Variants in MID1 observed in about 807,000 individuals in gnomAD.
MID1 encodes midline 1.
MID1 carries 7 observed loss-of-function variants against 40.4 expected under a neutral mutation model. The ratio of observed to expected loss-of-function variants is 0.17; its 90% CI spans 0.10 to 0.33. MID1 has a LOEUF of 0.33. Ranked by LOEUF, MID1 falls within the 10% of genes least tolerant of loss-of-function variation. The probability of loss-of-function intolerance (pLI) is 1.00; values close to 1 mark genes in which losing one functional copy is unlikely to be tolerated. For missense variants in MID1, 367 were observed against 558.5 expected (o/e 0.66, Z 3.46); for synonymous variants, 229 against 221.2 (o/e 1.04, Z -0.31).
At chrX:10,824,723 C>T (rs995407594) in intron 1 of MID1, among the ~76,000 whole-genome samples, 6 of 111,491 alleles carry the variant, frequency 5.4e-5, no homozygotes, top group African/African-American at 2.0e-4. Flanking sequence ...GGAAAAATTA[C>T]GAAGGCAGGG....
intron 1 of MID1, among the ~76,000 whole-genome samples, chrX:10,681,216 T>C (rs906584342): frequency 3.6e-5 from 4 of 111,059 alleles, no homozygotes; most frequent in Non-Finnish European, 7.5e-5. Context: ...TGTGGTATGG[T>C]CATTCAAAGG....
At chrX:10,737,133 T>C (rs2043493111) in intron 1 of MID1, among the ~76,000 whole-genome samples, 1 of 112,490 alleles carries the variant, frequency 8.9e-6, no homozygotes, top group Non-Finnish European at 1.9e-5. Context: ...AGAATATTGC[T>C]TTTCATTCTC....
At chrX:10,511,552 T>A (rs1044802544) in intron 3 of MID1, among the ~76,000 whole-genome samples, 14 of 111,257 alleles carry the variant, frequency 1.3e-4, no homozygotes, top group African/African-American at 4.6e-4. Flanking sequence ...CACAGTTGGT[T>A]AATTAATTAA....
At chrX:10,765,969 AAGAAAGAAAGAAAGAAAG>A (rs1333652775) in intron 1 of MID1, among the ~76,000 whole-genome samples, 3 of 105,464 alleles carry the variant, frequency 2.8e-5, no homozygotes, top group Non-Finnish European at 5.9e-5. Context: ...GAAAGAAAGA[AAGAAAGAAAGAAAGAAAG>A]AAAGAAAGAA....
chrX:10,618,733 C>T (rs929158270), intron 1 of MID1, among the ~76,000 whole-genome samples: 1 of 111,495 alleles, frequency 9.0e-6, no homozygotes, highest in Non-Finnish European at 1.9e-5. Flanking sequence ...AGGCATAAGG[C>T]ACGGAGACTG....
At chrX:10,513,383 G>A (rs1246056677) in intron 3 of MID1, among the ~76,000 whole-genome samples, 2 of 112,485 alleles carry the variant, frequency 1.8e-5, no homozygotes, top group African/African-American at 6.5e-5. Context: ...GTGAACCAAA[G>A]CTTTTACTTG....
intron 3 of MID1, chrX:10,505,477 T>C (rs1240760637): frequency 1.3e-6 from 1 of 752,950 alleles, no homozygotes; most frequent in African/African-American, 2.3e-5. Flanking sequence ...ATAAAACAAA[T>C]GCTTCACACC....
intron 2 of MID1, among the ~76,000 whole-genome samples, chrX:10,546,308 G>T (rs1237703208): frequency 1.8e-5 from 2 of 112,580 alleles, no homozygotes; most frequent in Admixed American, 9.4e-5. Context: ...AAGAACAGTT[G>T]ATTCAATTTT....
chrX:10,804,009 T>C (rs2044027426), intron 1 of MID1, among the ~76,000 whole-genome samples: 1 of 111,681 alleles, frequency 9.0e-6, no homozygotes, highest in Non-Finnish European at 1.9e-5. Flanking sequence ...TATTGGCATG[T>C]CTTTCACCTC....
intron 1 of MID1, among the ~76,000 whole-genome samples, chrX:10,667,053 C>G (rs181880922): frequency 9.0e-6 from 1 of 111,056 alleles, no homozygotes; most frequent in African/African-American, 3.3e-5. Context: ...GGGGGTGGGA[C>G]AGGGAAGTGG....
At chrX:10,453,012 A>G (rs1440257400) in intron 9 of MID1, among the ~76,000 whole-genome samples, 2 of 112,009 alleles carry the variant, frequency 1.8e-5, no homozygotes, top group Non-Finnish European at 3.8e-5. Flanking sequence ...TTGTACCTGC[A>G]TCCATTGTGT....
rs980354671 is a variant in MID1, at chrX:10,629,481, G to A, written c.-186-9062C>T. On this transcript the variant is annotated intron_variant, in intron 1 of 10. Coordinates refer to the MID1 transcript ENST00000380785. ...CTCCCAAAGTGCTGGGATTACAGGC[G>A]TGAGCCACTAAGCCTGGCCAGCACT... 6.3e-5 allele frequency among the ~76,000 whole-genome samples: 7 copies of A among 111,872 alleles called. No individual in the cohort carries two copies. In the Admixed American group the frequency reaches 6.6e-4, roughly 11 times the overall value.
chrX:10,511,350 T>C (rs140738927), intron 3 of MID1, among the ~76,000 whole-genome samples: 35 of 111,436 alleles, frequency 3.1e-4, no homozygotes, highest in African/African-American at 1.1e-3. Context: ...ACTATTAACA[T>C]ACAAACAAAT....
At chrX:10,754,595 A>T (rs915253259) in intron 1 of MID1, among the ~76,000 whole-genome samples, 8 of 111,111 alleles carry the variant, frequency 7.2e-5, no homozygotes, top group African/African-American at 2.6e-4. Flanking sequence ...ACAGAGAGAG[A>T]CTGAGATCAA....
chrX:10,705,698 A>G (rs1017611310), intron 1 of MID1, among the ~76,000 whole-genome samples: 1 of 111,812 alleles, frequency 8.9e-6, no homozygotes, highest in Non-Finnish European at 1.9e-5. Context: ...CCAACTTACA[A>G]ATGAGAAGAC....
At chrX:10,486,653 AT>A (rs1475603272) in intron 4 of MID1, among the ~76,000 whole-genome samples, 1 of 112,099 alleles carries the variant, frequency 8.9e-6, no homozygotes, top group Non-Finnish European at 1.9e-5. Context: ...TGCGGCCCTC[AT>A]CTTTCCCAAG....
chrX:10,707,256 C>G (rs758557265), intron 1 of MID1, among the ~76,000 whole-genome samples: 2 of 112,117 alleles, frequency 1.8e-5, no homozygotes, highest in Admixed American at 9.5e-5. Context: ...TATGGCTCTG[C>G]CTTCCTTTAG....
chrX:10,566,820 G>C (rs1312686478), intron 2 of MID1, 68 bp downstream of exon 2: 1 of 1,105,290 alleles, frequency 9.0e-7, no homozygotes, highest in Non-Finnish European at 1.2e-6. Context: ...AGCTAGCAGT[G>C]AATACACTTT....
chrX:10,662,369 T>C (rs918794698), intron 1 of MID1, among the ~76,000 whole-genome samples: 3 of 110,452 alleles, frequency 2.7e-5, no homozygotes, highest in African/African-American at 9.9e-5. Context: ...AAAAACCCTC[T>C]TTTAACTCCA....
Sources: allele counts gnomAD v4.1 joint callset (sites outside exome capture counted in the v4.1 genomes callset), GRCh38; gene constraint gnomAD v4.1.1; transcripts MANE v1.5; gene names NCBI Gene and HGNC (gene_info 2026-07-23, HGNC 2026-07-21).